The following OTOP2 variants were observed in gnomAD, a reference collection of about 807,000 sequenced individuals.
The protein encoded by OTOP2 is proton channel OTOP2.
In OTOP2, 41 loss-of-function variants were observed where a neutral mutation model predicts 47.4. The observed-to-expected ratio is 0.87, with a 90% CI of 0.67 to 1.12. The LOEUF (loss-of-function observed/expected upper bound fraction) is 1.12, where lower values mean the gene tolerates loss of function less well. Ranked by LOEUF, OTOP2 falls within the 50% of genes most tolerant of loss-of-function variation. OTOP2 has a pLI of 0.00. For missense variants in OTOP2, 721 were observed against 752.2 expected (o/e 0.96, Z 0.49); for synonymous variants, 328 against 319.6 (o/e 1.03, Z -0.28).
chr17:74,929,877 G>T (rs949160886), intron 5 of OTOP2, among the ~76,000 whole-genome samples: 2 of 151,968 alleles, frequency 1.3e-5, no homozygotes, highest in African/African-American at 4.9e-5. Flanking sequence ...CAGGGAGCCT[G>T]CCCTTAACAA....
In OTOP2 at chr17:74,930,889, C is replaced by G. The variant is rs2039051383; in HGVS notation, c.1254C>G (p.Asn418Lys). The change falls in exon 6 of 7, where the codon AAC becomes AAG. Residue 418 changes from asparagine (N) to lysine (K), a missense_variant. Transcript: ENST00000331427. The surrounding 1 kb of genome is among the most constrained non-coding windows in gnomAD (Gnocchi z 4.0). ...TGATCGCCCAGCACACCTTCCAGAA[C>G]ATGTTTATCATCGAGAGCCTTCACC... ...LLMIAQHTFQ[N>K]MFIIESLHRG... 3 of 1,613,982 alleles carry G rather than the reference C, an allele frequency of 1.9e-6. No individual in the cohort carries two copies. In the South Asian group the frequency reaches 3.3e-5, roughly 18 times the overall value.
intron 3 of OTOP2, 121 bp downstream of exon 3, chr17:74,925,813 C>G: frequency 7.1e-7 from 1 of 1,410,696 alleles, no homozygotes; most frequent in Non-Finnish European, 9.7e-7. Context: ...ATTAAGTAAA[C>G]CAGGGACAGG....
chr17:74,925,446 A>G (rs546230714), intron 2 of OTOP2, 110 bp from the exon 3 acceptor site: 3 of 1,426,844 alleles, frequency 2.1e-6, no homozygotes, highest in East Asian at 4.6e-5. Flanking sequence ...TCACTCACCC[A>G]TCCACCCACC....
Position 74,927,747 on chromosome 17 carries a change from T to A in OTOP2, c.592T>A (p.Ser198Thr). The change falls in exon 5 of 7, where the codon TCC becomes ACC. Residue 198 changes from serine (S) to threonine (T), a missense_variant. By Grantham distance (58) the Ser-to-Thr change is moderately conservative (BLOSUM62 1). Transcript: ENST00000331427. The part of the protein sequence containing the change: ...VVDESVHQSH[S>T]YSSSHSNASH... Reference sequence around the variant, plus strand: ...GGATGAATCTGTGCACCAATCCCACTCCTACAGCAGTTCTCACAGCAACGC... The same window carrying A: ...GGATGAATCTGTGCACCAATCCCACACCTACAGCAGTTCTCACAGCAACGC... The A allele has an allele frequency of 6.2e-7, 1 of 1,614,094 alleles. No homozygotes were observed. The highest frequency in any genetic ancestry group is 8.5e-7 in the Non-Finnish European group (1 of 1,179,986).
intron 3 of OTOP2, 111 bp downstream of exon 3, chr17:74,925,803 A>G (rs1487042845): frequency 1.4e-6 from 2 of 1,476,614 alleles, no homozygotes; most frequent in Non-Finnish European, 9.2e-7. Context: ...ATCCTGAGCT[A>G]TTAAGTAAAC....
At position 74,925,515 on chromosome 17, in the gene OTOP2, C is replaced by T. The variant is rs1336867805; in HGVS notation, c.314-41C>T. On this transcript the variant is annotated intron_variant, in intron 2 of 6. Transcript: ENST00000331427. ...GCTCGGCAGGCCTTCTCTCCTGCCT[C>T]TTTGATCCACCACCACCACCCACCC... The T allele has an allele frequency of 1.9e-6, 3 of 1,606,140 alleles. No homozygotes were observed. In the Admixed American group the frequency reaches 5.0e-5, roughly 27 times the overall value.
At chr17:74,929,999 A>G (rs112321736) in intron 5 of OTOP2, among the ~76,000 whole-genome samples, 11 of 152,276 alleles carry the variant, frequency 7.2e-5, no homozygotes, top group Middle Eastern at 3.4e-3. Context: ...CCTGGCCAAC[A>G]TGGCGAAACC....
Position 74,924,751 on chromosome 17 carries a change from TG to T in OTOP2, c.120del (p.Leu41SerfsTer29). 6.2e-7 allele frequency: 1 copy of T among 1,609,300 alleles called. No individual in the cohort carries two copies. Among genetic ancestry groups the T allele is most frequent in the Non-Finnish European group, 8.5e-7 (1 of 1,178,406 alleles). On this transcript the variant is annotated frameshift_variant, in exon 2 of 7. Coordinates refer to ENST00000331427, the MANE Select transcript of OTOP2 (RefSeq NM_178160.3). LOFTEE classifies it high-confidence loss of function. This position sits in a 1 kb window ranked among gnomAD's most constrained non-coding sequence, Gnocchi z 7.7. ...LLSVLLAVNVLLLACTLISGG... is the reference protein window; with the variant it reads ...LLSVLLAVNVXLLACTLISGG... ...TCGGTGCTGCTGGCGGTGAACGTGC[TG>T]CTCCTCGCCTGCACGCTCATCAGCG...
intron 5 of OTOP2, among the ~76,000 whole-genome samples, chr17:74,928,872 A>T (rs1353504771): frequency 6.6e-6 from 1 of 152,184 alleles, no homozygotes; most frequent in African/African-American, 2.4e-5. Flanking sequence ...CCCTGCCCTC[A>T]GGGAGACCCC....
intron 5 of OTOP2, among the ~76,000 whole-genome samples, chr17:74,928,892 A>G (rs2039032379): frequency 6.6e-6 from 1 of 152,150 alleles, no homozygotes; most frequent in Non-Finnish European, 1.5e-5. Flanking sequence ...CAGCCCAGCA[A>G]GCCTTACAAA....
At position 74,930,319 on chromosome 17, in the gene OTOP2, C is replaced by A. The variant is rs775202768; in HGVS notation, c.684C>A (p.Cys228Ter). The stretch of plus-strand genomic sequence containing the variant: ...CGGTCGGAGGAGACTCCTGCCTCTG[C>A]AGCACGGCCGTCTGCCAGATCTTCC... ...DNPVGGDSCL[C>*]STAVCQIFQQ... Residue 228 changes from cysteine to a stop codon, truncating the protein, a stop_gained, in exon 6 of 7, where the codon TGC becomes TGA. Coordinates refer to ENST00000331427, the MANE Select transcript of OTOP2 (RefSeq NM_178160.3). LOFTEE classifies it high-confidence loss of function. This position sits in a 1 kb window ranked among gnomAD's most constrained non-coding sequence, Gnocchi z 4.0. 2 of 1,614,054 alleles carry A rather than the reference C, an allele frequency of 1.2e-6. No individual in the cohort carries two copies. Among genetic ancestry groups the A allele is most frequent in the Non-Finnish European group, 1.7e-6 (2 of 1,179,950 alleles).
chr17:74,924,716 C>T lies in OTOP2; in HGVS notation c.84C>T (p.Gly28=). ...CCAGGGAGGTGTGGAAGAAGGGTGG[C>T]CGCCTGCTGTCGGTGCTGCTGGCGG... ...AGPREVWKKG[G]RLLSVLLAVN... Residue 28 remains glycine, a synonymous_variant, in exon 2 of 7, where the codon GGC becomes GGT. Coordinates refer to ENST00000331427, the MANE Select transcript of OTOP2 (RefSeq NM_178160.3). This position sits in a 1 kb window ranked among gnomAD's most constrained non-coding sequence, Gnocchi z 7.7. The T allele has an allele frequency of 5.6e-6, 9 of 1,606,158 alleles. No individual in the cohort carries two copies. Among genetic ancestry groups the T allele is most frequent in the Non-Finnish European group, 7.6e-6 (9 of 1,177,180 alleles).
At position 74,931,095 on chromosome 17, in the gene OTOP2, A is replaced by G. The variant is rs1417767717; in HGVS notation, c.1460A>G (p.Gln487Arg). Residue 487 changes from glutamine (Q) to arginine (R), a missense_variant, in exon 6 of 7, where the codon CAG becomes CGG. Gln to Arg is a conservative substitution (Grantham distance 43). Coordinates refer to ENST00000331427, the MANE Select transcript of OTOP2 (RefSeq NM_178160.3). ...AVAIVSTPRS[Q>R]WRRQCLKDIS... ...GCCATCGTCTCAACCCCCAGAAGCC[A>G]GTGGAGACGCCAGTGCCTAAAAGAC... The G allele has an allele frequency of 1.2e-6, 2 of 1,613,574 alleles. No homozygotes were observed. The highest frequency in any genetic ancestry group is 2.2e-5 in the East Asian group (1 of 44,888).
At position 74,927,847 on chromosome 17, in the gene OTOP2, G is replaced by T. The variant is rs114153654; in HGVS notation, c.643+49G>T. The T allele has an allele frequency of 2.8e-3, 4,407 of 1,593,122 alleles. 120 individuals carry two copies. In the African/African-American group the frequency reaches 0.053, roughly 19 times the overall value. On this transcript the variant is annotated intron_variant, in intron 5 of 6. Coordinates refer to ENST00000331427, the MANE Select transcript of OTOP2 (RefSeq NM_178160.3). ...CCTGTGGCTACCAGGCCTTGGGCCG[G>T]GTGCTTTGTGAATTTATAACGTCAG...
intron 5 of OTOP2, among the ~76,000 whole-genome samples, chr17:74,929,933 A>G (rs1366834587): frequency 6.6e-6 from 1 of 152,162 alleles, no homozygotes; most frequent in Non-Finnish European, 1.5e-5. Context: ...CTGTAATCCC[A>G]GCATTTTGGG....
chr17:74,928,572 A>G (rs2039030213), intron 5 of OTOP2, among the ~76,000 whole-genome samples: 1 of 151,986 alleles, frequency 6.6e-6, no homozygotes, highest in African/African-American at 2.4e-5. Context: ...TGTCTTAAAC[A>G]CTCCATTTAA....
rs959066852 is a variant in OTOP2, at chr17:74,933,637, A to C, written c.*92A>C. 40 of 1,355,832 alleles carry C rather than the reference A, an allele frequency of 3.0e-5. No homozygotes were observed. Among genetic ancestry groups the C allele is most frequent in the Non-Finnish European group, 3.9e-5 (39 of 1,008,528 alleles). The allele number at this position is 1,355,832 out of a possible 1,614,324, so 84.0% of individuals were successfully genotyped here. A position where few individuals can be genotyped will look rare whatever the true frequency, so the allele number is the denominator to read the frequency against. ...CTGGGAATGAATCCCAGCTGGTGCC[A>C]TATGACAGCCCATTTCCTTCTGGTC... On this transcript the variant is annotated 3_prime_UTR_variant, in exon 7 of 7. Transcript: ENST00000331427. The surrounding 1 kb of genome is among the most constrained non-coding windows in gnomAD (Gnocchi z 4.7).
intron 6 of OTOP2, among the ~76,000 whole-genome samples, chr17:74,932,872 A>T (rs1043343150): frequency 1.3e-5 from 2 of 151,976 alleles, no homozygotes; most frequent in South Asian, 2.1e-4. Flanking sequence ...ACTTCCTCCC[A>T]CTCCTGGAAA....
rs2039048730 is a variant in OTOP2, at chr17:74,930,707, G to A, written c.1072G>A (p.Asp358Asn). Residue 358 changes from aspartate (D) to asparagine (N), a missense_variant, in exon 6 of 7, where the codon GAC becomes AAC. Coordinates refer to ENST00000331427, the MANE Select transcript of OTOP2 (RefSeq NM_178160.3). The surrounding 1 kb of genome is among the most constrained non-coding windows in gnomAD (Gnocchi z 4.0). ...CTACCGTTTTGACCGCCGGGCCATG[G>A]ACCACCATAAGAACCCCACGCGCAC... is the stretch of plus-strand genomic sequence containing the variant. ...IIYRFDRRAM[D>N]HHKNPTRTLD... 2 of 1,613,948 alleles carry A rather than the reference G, an allele frequency of 1.2e-6. No individual in the cohort carries two copies. The highest frequency in any genetic ancestry group is 2.2e-5 in the South Asian group (2 of 91,074).
Sources: gnomAD v4.1 joint callset for allele counts (sites outside exome capture counted in the v4.1 genomes callset) on GRCh38, gnomAD v4.1.1 for gene constraint, Gnocchi (gnomAD v3.1) non-coding constraint, MANE v1.5 for transcripts, NCBI Gene and HGNC (gene_info 2026-07-23, HGNC 2026-07-21) for gene names.